MACROD2: variants seen among roughly 807,000 people sequenced by gnomAD.
MACROD2 encodes mono-ADP ribosylhydrolase 2.
A neutral mutation model predicts 70.4 loss-of-function variants in MACROD2; 36 were observed. The ratio of observed to expected loss-of-function variants is 0.51; its 90% CI spans 0.39 to 0.68. The LOEUF is 0.68. Ranked by LOEUF, MACROD2 falls within the 30% of genes least tolerant of loss-of-function variation. MACROD2 has a pLI of 0.00. For synonymous variants in MACROD2, 172 were observed against 178.8 expected (o/e 0.96, Z 0.30); for missense variants, 496 against 538.4 (o/e 0.92, Z 0.78).
chr20:15,793,680 T>C (rs2063646404), intron 8 of MACROD2, among the ~76,000 whole-genome samples: 1 of 151,464 alleles, frequency 6.6e-6, no homozygotes, highest in Non-Finnish European at 1.5e-5. Context: ...TAAATTTTTC[T>C]TATATGTATT....
At chr20:15,093,983 T>A (rs2075810633) in intron 5 of MACROD2, among the ~76,000 whole-genome samples, 1 of 152,206 alleles carries the variant, frequency 6.6e-6, no homozygotes, top group African/African-American at 2.4e-5. Flanking sequence ...TGGGCTTCTT[T>A]AGGATTGTCC....
At chr20:15,439,207 A>G (rs1482779610) in intron 7 of MACROD2, among the ~76,000 whole-genome samples, 2 of 152,078 alleles carry the variant, frequency 1.3e-5, no homozygotes, top group Admixed American at 6.6e-5. Flanking sequence ...ACTTCTCCGA[A>G]TGTACCCCAG....
chr20:14,579,943 T>C (rs2123344129), intron 4 of MACROD2, among the ~76,000 whole-genome samples: 1 of 152,298 alleles, frequency 6.6e-6, no homozygotes, highest in South Asian at 2.1e-4. Flanking sequence ...AAGGAACATG[T>C]TGCTATTTAA....
intron 5 of MACROD2, among the ~76,000 whole-genome samples, chr20:14,813,641 A>G (rs2122183048): frequency 6.6e-6 from 1 of 152,182 alleles, no homozygotes; most frequent in South Asian, 2.1e-4. Flanking sequence ...GGAGGTGCTC[A>G]GGGCAAGGCA....
At chr20:15,611,519 C>G (rs947586958) in intron 8 of MACROD2, among the ~76,000 whole-genome samples, 1 of 152,076 alleles carries the variant, frequency 6.6e-6, no homozygotes, top group Non-Finnish European at 1.5e-5. Context: ...CTAGTCTATT[C>G]TTCTACTTCC....
chr20:14,698,857 A>G (rs2071159317), intron 5 of MACROD2, among the ~76,000 whole-genome samples: 1 of 151,440 alleles, frequency 6.6e-6, no homozygotes, highest in African/African-American at 2.4e-5. Context: ...TATCAGAAGA[A>G]CTAGCCTAAG....
At chr20:15,295,252 T>C (rs1387280338) in intron 6 of MACROD2, among the ~76,000 whole-genome samples, 1 of 152,204 alleles carries the variant, frequency 6.6e-6, no homozygotes, top group African/African-American at 2.4e-5. Flanking sequence ...TGTGAGACCA[T>C]TAAACCTCTT....
chr20:14,388,862 C>CAG (rs368286880), intron 3 of MACROD2, among the ~76,000 whole-genome samples: 19 of 151,918 alleles, frequency 1.3e-4, no homozygotes, highest in African/African-American at 2.4e-4. Flanking sequence ...AACTGAGACA[C>CAG]AGAGAGAGAG....
intron 3 of MACROD2, among the ~76,000 whole-genome samples, chr20:14,156,910 AT>A (rs2055111487): frequency 6.6e-6 from 1 of 152,206 alleles, no homozygotes; most frequent in Non-Finnish European, 1.5e-5. Flanking sequence ...ATCCTGCAGG[AT>A]TTTAAATCTT....
intron 7 of MACROD2, among the ~76,000 whole-genome samples, chr20:15,462,802 C>A (rs1410038262): frequency 2.0e-5 from 3 of 152,152 alleles, no homozygotes; most frequent in Admixed American, 2.0e-4. Context: ...CTTGTGGGAA[C>A]TATAATTGCC....
chr20:15,202,235 C>T (rs1404781084), intron 5 of MACROD2, among the ~76,000 whole-genome samples: 1 of 152,214 alleles, frequency 6.6e-6, no homozygotes, highest in Non-Finnish European at 1.5e-5. Flanking sequence ...GATATACCCT[C>T]TGGTTCTTTG....
At chr20:15,760,397 T>C (rs2051418347) in intron 8 of MACROD2, among the ~76,000 whole-genome samples, 1 of 152,172 alleles carries the variant, frequency 6.6e-6, no homozygotes, top group Non-Finnish European at 1.5e-5. Flanking sequence ...AAGTGCAGCT[T>C]CGGCAGACAG....
chr20:15,960,943 G>A (rs936056881), intron 12 of MACROD2, among the ~76,000 whole-genome samples: 1 of 152,168 alleles, frequency 6.6e-6, no homozygotes, highest in African/African-American at 2.4e-5. Flanking sequence ...GTCAGAGGTG[G>A]AGATAGTTGG....
intron 3 of MACROD2, among the ~76,000 whole-genome samples, chr20:14,206,034 TA>T (rs1223821561): frequency 6.6e-6 from 1 of 152,230 alleles, no homozygotes; most frequent in Non-Finnish European, 1.5e-5. Flanking sequence ...GTAATCTGTG[TA>T]ATGTGTAGCA....
chr20:15,002,248 C>T (rs2075001688), intron 5 of MACROD2, among the ~76,000 whole-genome samples: 1 of 151,992 alleles, frequency 6.6e-6, no homozygotes, highest in African/African-American at 2.4e-5. Context: ...AGACATGTTC[C>T]TTTTTCACCA....
intron 7 of MACROD2, among the ~76,000 whole-genome samples, chr20:15,497,088 G>A (rs567958682): frequency 6.6e-6 from 1 of 152,316 alleles, no homozygotes; most frequent in South Asian, 2.1e-4. Context: ...GTAACTAGGA[G>A]AGAGGTAAAG....
chr20:15,886,401 A>C (rs530748140), intron 10 of MACROD2, among the ~76,000 whole-genome samples: 89 of 152,270 alleles, frequency 5.8e-4, no homozygotes, highest in Middle Eastern at 3.4e-3. Context: ...AGGCTTAGAC[A>C]TTCCATTGCA....
chr20:14,886,383 C>T (rs753788742), intron 5 of MACROD2, among the ~76,000 whole-genome samples: 1 of 152,112 alleles, frequency 6.6e-6, no homozygotes, highest in Admixed American at 6.5e-5. Context: ...GAGCCCTGCT[C>T]GCAGAAAGTC....
At chr20:15,125,157 G>T (rs6079671) in intron 5 of MACROD2, among the ~76,000 whole-genome samples, 134,273 of 152,062 alleles carry the variant, frequency 0.88, 59,456 homozygotes, top group East Asian at 1. Flanking sequence ...CTTATTGAAT[G>T]TAATCCCTAT....
Sources: allele counts gnomAD v4.1 joint callset (sites outside exome capture counted in the v4.1 genomes callset), GRCh38; gene constraint gnomAD v4.1.1; transcripts MANE v1.5; gene names NCBI Gene and HGNC (gene_info 2026-07-23, HGNC 2026-07-21).